Variants in PCDHGB3 observed in about 807,000 individuals in gnomAD.
PCDHGB3 encodes protocadherin gamma subfamily B, 3, also known as protocadherin gamma-B3.
PCDHGB3 carries 40 observed loss-of-function variants against 59.2 expected under a neutral mutation model. That is an observed-to-expected ratio of 0.68 (90% CI 0.52 to 0.88). The LOEUF (loss-of-function observed/expected upper bound fraction) is 0.88, where lower values mean the gene tolerates loss of function less well. Among genes scored for constraint, PCDHGB3 ranks in the 40% least tolerant of loss-of-function variants. The pLI, the probability that PCDHGB3 is intolerant of heterozygous loss-of-function variation, is 0.00. For missense variants in PCDHGB3, 1,309 were observed against 1,187.9 expected, an observed-to-expected ratio of 1.10 and a Z score of -1.50; for synonymous variants, 581 against 503.6, an observed-to-expected ratio of 1.15 and a Z score of -2.06.
rs368075478 is a variant in PCDHGB3, at chr5:141,403,866, A to G, written c.2415+31057A>G. The G allele has an allele frequency of 1.3e-4, 207 of 1,613,762 alleles. No individual in the cohort carries two copies. Among genetic ancestry groups the G allele is most frequent in the Non-Finnish European group, 1.6e-4 (186 of 1,179,844 alleles). On this transcript the variant is annotated intron_variant, in intron 1 of 3. Transcript: ENST00000576222. ...AATACTGGGGAAATATCAACAGCAA[A>G]AAGTCTAGATTATGAAGAATGTTCA...
Position 141,485,718 on chromosome 5 carries a change from T to A in PCDHGB3, c.2416-9089T>A, listed in dbSNP as rs562192762. ...TCCAATGAACACTTTGCACTGGATG[T>A]GAAGAAGCGCAGCGACGGCAGCCTG... On this transcript the variant is annotated intron_variant, in intron 1 of 3. Coordinates refer to ENST00000576222, the MANE Select transcript of PCDHGB3 (RefSeq NM_018924.5). The surrounding 1 kb of genome is among the most constrained non-coding windows in gnomAD (Gnocchi z 5.7). 1 of 1,614,058 alleles carries A rather than the reference T, an allele frequency of 6.2e-7. No homozygotes were observed. The highest frequency in any genetic ancestry group is 2.2e-5 in the East Asian group (1 of 44,866).
At chr5:141,427,378 C>T in intron 1 of PCDHGB3, 1 of 458,520 alleles carries the variant, frequency 2.2e-6, no homozygotes, top group Non-Finnish European at 4.4e-6. Context: ...ACGGTGATCA[C>T]TCTGTTCAAA....
At chr5:141,419,104 C>T (rs756257411) in intron 1 of PCDHGB3, 75 of 1,613,732 alleles carry the variant, frequency 4.6e-5, no homozygotes, top group Non-Finnish European at 5.9e-5. Context: ...GGGAGCAGAC[C>T]CCAGAGTACA....
intron 1 of PCDHGB3, chr5:141,420,165 C>T: frequency 6.2e-7 from 1 of 1,614,022 alleles, no homozygotes; most frequent in South Asian, 1.1e-5. Flanking sequence ...AATTTTTTCA[C>T]ATCTGTTGAT....
rs760319541 is a variant in PCDHGB3, at chr5:141,477,772, C to T, written c.2416-17035C>T. 1.2e-6 allele frequency: 2 copies of T among 1,614,026 alleles called. No homozygotes were observed. Among genetic ancestry groups the T allele is most frequent in the South Asian group, 1.1e-5 (1 of 91,088 alleles). ...CCCCGGTCCTAGCCACCAACATCAGCGTGAACATATTTGTCACTGATCGCA... is the reference window on the plus strand; with the variant it reads ...CCCCGGTCCTAGCCACCAACATCAGTGTGAACATATTTGTCACTGATCGCA... On this transcript the variant is annotated intron_variant, in intron 1 of 3. Coordinates refer to ENST00000576222, the MANE Select transcript of PCDHGB3 (RefSeq NM_018924.5). This position sits in a 1 kb window ranked among gnomAD's most constrained non-coding sequence, Gnocchi z 4.9.
intron 1 of PCDHGB3, among the ~76,000 whole-genome samples, chr5:141,406,072 C>CTTT (rs530474569): frequency 7.1e-6 from 1 of 141,484 alleles, no homozygotes. Flanking sequence ...ATTCTTACTC[C>CTTT]TTTTTTTTTT....
intron 1 of PCDHGB3, among the ~76,000 whole-genome samples, chr5:141,463,314 A>G (rs1357327211): frequency 2.0e-5 from 3 of 151,098 alleles, no homozygotes; most frequent in Non-Finnish European, 2.9e-5. Context: ...TCTAATATCT[A>G]TTCCTCAACT....
chr5:141,444,902 G>A (rs1442325957), intron 1 of PCDHGB3, among the ~76,000 whole-genome samples: 1 of 152,160 alleles, frequency 6.6e-6, no homozygotes, highest in Non-Finnish European at 1.5e-5. Context: ...GGATGGCATT[G>A]CATCTATACC....
chr5:141,499,233 C>A (rs1047984757), intron 2 of PCDHGB3, among the ~76,000 whole-genome samples: 2 of 152,116 alleles, frequency 1.3e-5, no homozygotes, highest in Non-Finnish European at 2.9e-5. Context: ...CAGCTGTCCC[C>A]AGCCTCTGCA....
intron 1 of PCDHGB3, among the ~76,000 whole-genome samples, chr5:141,435,946 A>C (rs953432473): frequency 6.6e-6 from 1 of 152,174 alleles, no homozygotes; most frequent in Non-Finnish European, 1.5e-5. Flanking sequence ...CTGAGACCAA[A>C]AAAGGGGGCA....
chr5:141,371,119 T>A lies in PCDHGB3; in HGVS notation c.725T>A (p.Phe242Tyr), dbSNP rs567260577. 2.4e-4 allele frequency: 393 copies of A among 1,613,958 alleles called. 4 individuals are homozygous for A. The South Asian group carries it at 3.8e-3, about 16-fold the overall frequency. ...VADANDNPPV[F>Y]TQDMYRVNVA... ...GATGCAAATGATAACCCCCCAGTAT[T>A]TACTCAGGACATGTACAGGGTCAAT... The change falls in exon 1 of 4, where the codon TTT becomes TAT. Residue 242 changes from phenylalanine (F) to tyrosine (Y), a missense_variant. Coordinates refer to ENST00000576222, the MANE Select transcript of PCDHGB3 (RefSeq NM_018924.5).
intron 1 of PCDHGB3, chr5:141,478,942 C>G: frequency 1.7e-6 from 1 of 579,218 alleles, no homozygotes; most frequent in Non-Finnish European, 2.9e-6. Context: ...TCTAGGAATA[C>G]AAAAACTACC....
rs866190808 is a variant in PCDHGB3 at position 141,376,751 on chromosome 5, A to G, written c.2415+3942A>G. On this transcript the variant is annotated intron_variant, in intron 1 of 3. Transcript: ENST00000576222. ...CCGGACTGCGGACTGCAGTGGCGCA[A>G]TCTCGGCTCACTGCAAGCTCCGCTT... The G allele has an allele frequency of 1.3e-4, 58 of 460,324 alleles. 1 individual carries two copies. Among genetic ancestry groups the G allele is most frequent in the African/African-American group, 1.1e-3 (50 of 46,164 alleles). 28.5% of individuals were successfully genotyped at this position (460,324 alleles called of 1,614,324 possible).
chr5:141,393,381 A>G, intron 1 of PCDHGB3: 3 of 1,614,022 alleles, frequency 1.9e-6, no homozygotes, highest in South Asian at 1.1e-5. Flanking sequence ...CAATGGAGCC[A>G]TAAACCCAGA....
chr5:141,383,405 G>C (rs189408749), intron 1 of PCDHGB3: 11 of 1,613,898 alleles, frequency 6.8e-6, no homozygotes, highest in Non-Finnish European at 8.5e-6. Context: ...TCCCTCCAGA[G>C]TTACCAGCTC....
At chr5:141,384,074 T>G in intron 1 of PCDHGB3, 1 of 1,601,488 alleles carries the variant, frequency 6.2e-7, no homozygotes, top group Non-Finnish European at 8.5e-7. Flanking sequence ...AACCTACCTT[T>G]TAAATTAGAA....
Position 141,431,698 on chromosome 5 carries a change from A to ATTC in PCDHGB3, c.2415+58891_2415+58893dup. 6.2e-7 allele frequency: 1 copy of ATTC among 1,614,222 alleles called. No homozygotes were observed. Among genetic ancestry groups the ATTC allele is most frequent in the Non-Finnish European group, 8.5e-7 (1 of 1,180,036 alleles). The stretch of plus-strand genomic sequence containing the variant: ...GGGAGTTGGACCACGAGGAGTCAGG[A>ATTC]TTCTACCAGATGGAAGTGCAAGCAA... On this transcript the variant is annotated intron_variant, in intron 1 of 3. Coordinates refer to ENST00000576222, the MANE Select transcript of PCDHGB3 (RefSeq NM_018924.5). This position sits in a 1 kb window ranked among gnomAD's most constrained non-coding sequence, Gnocchi z 4.8.
intron 1 of PCDHGB3, chr5:141,389,923 C>T: frequency 6.2e-7 from 1 of 1,614,076 alleles, no homozygotes; most frequent in Non-Finnish European, 8.5e-7. Context: ...CCCGACCCCT[C>T]TGACCTCCAG....
chr5:141,407,808 C>T (rs1182707356), intron 1 of PCDHGB3, among the ~76,000 whole-genome samples: 1 of 152,136 alleles, frequency 6.6e-6, no homozygotes, highest in Non-Finnish European at 1.5e-5. Context: ...ATAGAAATAT[C>T]TACTATAATA....
Sources: allele counts gnomAD v4.1 joint callset (sites outside exome capture counted in the v4.1 genomes callset), GRCh38; gene constraint gnomAD v4.1.1; non-coding constraint Gnocchi (gnomAD v3.1); transcripts MANE v1.5; gene names NCBI Gene and HGNC (gene_info 2026-07-23, HGNC 2026-07-21).